RAP1A: variants seen among roughly 807,000 people sequenced by gnomAD.
The protein encoded by RAP1A is ras-related protein Rap-1A.
Under a neutral mutation model 26.4 loss-of-function variants are expected in RAP1A, and 6 were observed. That is an observed-to-expected ratio of 0.23 (90% confidence interval 0.12 to 0.45). The LOEUF (loss-of-function observed/expected upper bound fraction) is 0.45, where lower values mean the gene tolerates loss of function less well. Ranked by LOEUF, RAP1A falls within the 20% of genes least tolerant of loss-of-function variation. RAP1A has a pLI of 0.99. For synonymous variants in RAP1A, 73 were observed against 79.4 expected (o/e 0.92, Z 0.43); for missense variants, 121 against 217.2 (o/e 0.56, Z 2.78).
intron 1 of RAP1A, among the ~76,000 whole-genome samples, chr1:111,689,224 T>G (rs946366963): frequency 2.0e-5 from 3 of 152,180 alleles, no homozygotes; most frequent in Non-Finnish European, 4.4e-5. Flanking sequence ...ATTATACTGC[T>G]TGATAGCTTG....
chr1:111,656,482 A>G lies in RAP1A; in HGVS notation c.-27-34852A>G, dbSNP rs1188079495. Among the ~76,000 whole-genome samples, 3 of 152,166 alleles carry G rather than the reference A, an allele frequency of 2.0e-5. No individual in the cohort carries two copies. In the East Asian group the frequency reaches 5.8e-4, roughly 29 times the overall value. On this transcript the variant is annotated intron_variant, in intron 1 of 7. Transcript: ENST00000369709. Reference sequence around the variant, plus strand: ...ATTCCTCCTTAAAGCAAACTCCTCAAAAAAATTGTCCATAATGCCATCTCC... The same window carrying G: ...ATTCCTCCTTAAAGCAAACTCCTCAGAAAAATTGTCCATAATGCCATCTCC...
chr1:111,601,885 T>C lies in RAP1A; in HGVS notation c.-28+59376T>C, dbSNP rs534280500. On this transcript the variant is annotated intron_variant, in intron 1 of 7. Coordinates refer to the RAP1A transcript ENST00000356415. ...TCAATAAATATGGCTATTATTATTT[T>C]TATAACAAGGGTAAGAGGAATATGA... Among the ~76,000 whole-genome samples the C allele has an allele frequency of 7.2e-5, 11 of 152,344 alleles. No individual in the cohort carries two copies. The South Asian group carries it at 2.3e-3, about 32-fold the overall frequency.
At chr1:111,689,928 G>A (rs192399295) in intron 1 of RAP1A, among the ~76,000 whole-genome samples, 90 of 152,212 alleles carry the variant, frequency 5.9e-4, no homozygotes, top group African/African-American at 2.1e-3. Flanking sequence ...CACCCGCCTC[G>A]ACCTCCCAAA....
intron 1 of RAP1A, among the ~76,000 whole-genome samples, chr1:111,651,246 T>A (rs1660259061): frequency 6.6e-6 from 1 of 152,074 alleles, no homozygotes; most frequent in African/African-American, 2.4e-5. Context: ...TTAATCTTAT[T>A]TGTAGTTGTG....
rs547460404 is a variant in RAP1A, at chr1:111,558,711, C to T, written c.-28+16202C>T. On this transcript the variant is annotated intron_variant, in intron 1 of 7. Coordinates refer to the RAP1A transcript ENST00000356415. ...TTTTTATTTCCCAGGAAGATATAAACTTCTTAACTCTTATGTACCTAATAA... is the reference window on the plus strand; with the variant it reads ...TTTTTATTTCCCAGGAAGATATAAATTTCTTAACTCTTATGTACCTAATAA... Among the ~76,000 whole-genome samples, 3 of 152,250 alleles carry T rather than the reference C, an allele frequency of 2.0e-5. No homozygotes were observed. In the South Asian group the frequency reaches 6.2e-4, roughly 32 times the overall value.
At position 111,714,280 on chromosome 1, in the gene RAP1A, G is replaced by A. The variant is rs1175326594; in HGVS notation, c.*1879G>A. ...AATGAAGTATTAGGGCCAGTTGTCA[G>A]GTCAGGGTGGCATCTTTTATTTTAA... On this transcript the variant is annotated 3_prime_UTR_variant, in exon 8 of 8. Transcript: ENST00000369709. 1 of 152,148 alleles carries A rather than the reference G, an allele frequency of 6.6e-6. No homozygotes were observed. Among genetic ancestry groups the A allele is most frequent in the African/African-American group, 2.4e-5 (1 of 41,428 alleles). 9.4% of individuals were successfully genotyped at this position (152,148 alleles called of 1,614,324 possible).
intron 1 of RAP1A, chr1:111,680,629 G>C (rs1436614637): frequency 6.5e-6 from 1 of 152,750 alleles, no homozygotes; most frequent in Non-Finnish European, 1.5e-5. Context: ...ATACAGGAGA[G>C]GTTCAGCTGG....
At chr1:111,670,303 C>G (rs1409835193) in intron 1 of RAP1A, among the ~76,000 whole-genome samples, 1 of 151,872 alleles carries the variant, frequency 6.6e-6, no homozygotes, top group Non-Finnish European at 1.5e-5. Context: ...GAAACCCTGT[C>G]TCTACCAAAA....
intron 1 of RAP1A, among the ~76,000 whole-genome samples, chr1:111,602,800 C>A (rs1658696841): frequency 6.6e-6 from 1 of 152,020 alleles, no homozygotes; most frequent in African/African-American, 2.4e-5. Context: ...TCAGGAAAAT[C>A]TACCCCAGTA....
chr1:111,653,545 G>A (rs1034725739), intron 1 of RAP1A, among the ~76,000 whole-genome samples: 14 of 151,990 alleles, frequency 9.2e-5, no homozygotes, highest in South Asian at 2.1e-4. Flanking sequence ...TTAGCTGGGC[G>A]TGGTGGCACA....
intron 1 of RAP1A, among the ~76,000 whole-genome samples, chr1:111,592,645 T>C (rs1426241672): frequency 6.6e-6 from 1 of 152,200 alleles, no homozygotes; most frequent in Non-Finnish European, 1.5e-5. Flanking sequence ...ACACCATCTC[T>C]GTTGTGGGAG....
chr1:111,659,937 T>A (rs1287646000), intron 1 of RAP1A, among the ~76,000 whole-genome samples: 1 of 152,236 alleles, frequency 6.6e-6, no homozygotes, highest in Non-Finnish European at 1.5e-5. Flanking sequence ...TTCATTTTAC[T>A]TATCCATAAG....
chr1:111,629,611 A>G (rs1659507647), intron 1 of RAP1A, among the ~76,000 whole-genome samples: 1 of 152,200 alleles, frequency 6.6e-6, no homozygotes, highest in Non-Finnish European at 1.5e-5. Flanking sequence ...ATTCAGAAAT[A>G]AAGTACTTAT....
At chr1:111,657,454 A>G (rs1175186744) in intron 1 of RAP1A, among the ~76,000 whole-genome samples, 2 of 152,160 alleles carry the variant, frequency 1.3e-5, no homozygotes, top group Admixed American at 1.3e-4. Flanking sequence ...CCAAAGGGAT[A>G]CTCAACCTGT....
intron 1 of RAP1A, among the ~76,000 whole-genome samples, chr1:111,547,484 A>AC (rs1657076539): frequency 6.6e-6 from 1 of 152,144 alleles, no homozygotes; most frequent in Non-Finnish European, 1.5e-5. Flanking sequence ...AAATGGAGTT[A>AC]AAAAATATAA....
chr1:111,558,457 G>T (rs1244695917), intron 1 of RAP1A, among the ~76,000 whole-genome samples: 1 of 152,124 alleles, frequency 6.6e-6, no homozygotes, highest in Non-Finnish European at 1.5e-5. Flanking sequence ...AAAGTGCTGG[G>T]ACTACAGGCA....
rs71099925 is a variant in RAP1A at position 111,653,683 on chromosome 1, C to CAA, written c.-28+33774_-28+33775dup. Reference sequence around the variant, plus strand: ...GGGCTACAAGAGCGAAACTCTGTCTCAAAAAAAAAAAAAAAAAAAAAAAAA... The same window carrying CAA: ...GGGCTACAAGAGCGAAACTCTGTCTCAAAAAAAAAAAAAAAAAAAAAAAAAAA... On this transcript the variant is annotated intron_variant, in intron 1 of 7. Transcript: ENST00000369709. 4.4e-3 allele frequency among the ~76,000 whole-genome samples: 287 copies of CAA among 65,684 alleles called. 23 individuals are homozygous for CAA. Among genetic ancestry groups the CAA allele is most frequent in the African/African-American group, 0.018 (261 of 14,246 alleles). The allele number at this position is 65,684 out of a possible 152,430, so 43.1% of individuals were successfully genotyped here.
intron 1 of RAP1A, among the ~76,000 whole-genome samples, chr1:111,646,039 A>C (rs1046879077): frequency 2.0e-5 from 3 of 152,234 alleles, no homozygotes; most frequent in African/African-American, 7.2e-5. Context: ...ATTAATTTAG[A>C]TATTTACCAG....
intron 1 of RAP1A, among the ~76,000 whole-genome samples, chr1:111,687,043 T>G (rs997452336): frequency 3.3e-5 from 5 of 152,128 alleles, no homozygotes; most frequent in Non-Finnish European, 7.4e-5. Flanking sequence ...CTTTTTTATA[T>G]TGCCTTTGAA....
Sources: gnomAD v4.1 joint callset for allele counts (sites outside exome capture counted in the v4.1 genomes callset) on GRCh38, gnomAD v4.1.1 for gene constraint, MANE v1.5 for transcripts, NCBI Gene and HGNC (gene_info 2026-07-23, HGNC 2026-07-21) for gene names.